RAD51C: variants seen among roughly 807,000 people sequenced by gnomAD.
RAD51C encodes RAD51 paralog C, also known as DNA repair protein RAD51 homolog 3.
A neutral mutation model predicts 45.0 loss-of-function variants in RAD51C; 42 were observed. The observed-to-expected ratio is 0.93, with a 90% CI of 0.73 to 1.21. The LOEUF (loss-of-function observed/expected upper bound fraction) is 1.21. Among genes scored for constraint, RAD51C ranks in the 50% most tolerant of loss-of-function variants. The probability of loss-of-function intolerance (pLI) is 0.00; values close to 1 mark genes in which losing one functional copy is unlikely to be tolerated. For missense variants in RAD51C, 474 were observed against 452.2 expected, an observed-to-expected ratio of 1.05 and a Z score of -0.44; for synonymous variants, 172 against 159.8, an observed-to-expected ratio of 1.08 and a Z score of -0.58.
intron 5 of RAD51C, among the ~76,000 whole-genome samples, chr17:58,711,048 A>AT (rs936238342): frequency 5.5e-4 from 84 of 151,978 alleles, no homozygotes; most frequent in South Asian, 1.0e-3. Context: ...TGAATTTCCA[A>AT]TTTTTTTTGC....
intron 3 of RAD51C, among the ~76,000 whole-genome samples, chr17:58,697,716 AT>A (rs1350765878): frequency 1.3e-3 from 195 of 144,490 alleles, no homozygotes; most frequent in Non-Finnish European, 1.2e-3. Context: ...CTGTAAAACG[AT>A]TTTTTTTTTT....
chr17:58,715,886 C>A (rs1330293170), intron 5 of RAD51C, among the ~76,000 whole-genome samples: 1 of 152,134 alleles, frequency 6.6e-6, no homozygotes, highest in Non-Finnish European at 1.5e-5. Flanking sequence ...GGGTGGATCA[C>A]CTGAGGTCAG....
chr17:58,720,858 T>G, intron 6 of RAD51C, 46 bp downstream of exon 6: 1 of 1,477,232 alleles, frequency 6.8e-7, no homozygotes, highest in Non-Finnish European at 9.4e-7. Flanking sequence ...ACAGTTTTTC[T>G]TATCTCTTTC....
At chr17:58,721,841 G>C (rs2048928867) in intron 6 of RAD51C, among the ~76,000 whole-genome samples, 1 of 152,096 alleles carries the variant, frequency 6.6e-6, no homozygotes, top group Non-Finnish European at 1.5e-5. Context: ...ATGTAGTAAA[G>C]GTTACAATAG....
chr17:58,712,071 G>A (rs1238777899), intron 5 of RAD51C, among the ~76,000 whole-genome samples: 9 of 151,702 alleles, frequency 5.9e-5, no homozygotes, highest in Non-Finnish European at 1.2e-4. Context: ...ATAATTGGCC[G>A]GGCACGGCGG....
Position 58,694,978 on chromosome 17 carries a change from A to C in RAD51C, c.193A>C (p.Arg65=). ...AGCCTTAGAAACTCTGCAAATTATCAGAAGAGAATGTCTCACAAATAAACC... is the reference window on the plus strand; with the variant it reads ...AGCCTTAGAAACTCTGCAAATTATCCGAAGAGAATGTCTCACAAATAAACC... The part of the protein sequence containing the change: ...AEALETLQII[R]RECLTNKPRY... The change falls in exon 2 of 9, where the codon AGA becomes CGA. Residue 65 remains arginine (R), a synonymous_variant. Transcript: ENST00000337432. 6.2e-7 allele frequency: 1 copy of C among 1,614,172 alleles called. No homozygotes were observed. Among genetic ancestry groups the C allele is most frequent in the South Asian group, 1.1e-5 (1 of 91,086 alleles).
intron 5 of RAD51C, among the ~76,000 whole-genome samples, chr17:58,713,333 A>G (rs1157451888): frequency 6.6e-6 from 1 of 150,932 alleles, no homozygotes; most frequent in African/African-American, 2.4e-5. Flanking sequence ...TTGTATTTGT[A>G]TTTGTTTTTG....
chr17:58,719,202 C>A (rs749143270), intron 5 of RAD51C, among the ~76,000 whole-genome samples: 1 of 151,940 alleles, frequency 6.6e-6, no homozygotes, highest in Non-Finnish European at 1.5e-5. Flanking sequence ...CCAGCCTGGG[C>A]AACAGAGCGA....
chr17:58,703,147 C>T lies in RAD51C; in HGVS notation c.572-49C>T, dbSNP rs759996376. 18 of 1,581,240 alleles carry T rather than the reference C, an allele frequency of 1.1e-5. No homozygotes were observed. The highest frequency in any genetic ancestry group is 3.4e-5 in the Admixed American group (2 of 59,680). On this transcript the variant is annotated intron_variant, in intron 3 of 8. Transcript: ENST00000337432. ...AAAAGCATTGTTTTTCTACAATTGC[C>T]AATACATCCAAACAGGTAAAACTAA...
At chr17:58,712,150 C>T (rs971063014) in intron 5 of RAD51C, among the ~76,000 whole-genome samples, 2 of 151,696 alleles carry the variant, frequency 1.3e-5, no homozygotes. Flanking sequence ...AGTTCGAGAC[C>T]AGCCTGACCA....
At chr17:58,724,148 C>A in intron 7 of RAD51C, 48 bp downstream of exon 7, 1 of 1,522,700 alleles carries the variant, frequency 6.6e-7, no homozygotes, top group Non-Finnish European at 9.1e-7. Context: ...GTTAATTATA[C>A]TGAATGAACA....
At chr17:58,724,242 A>T in intron 7 of RAD51C, 142 bp downstream of exon 7, 3 of 767,764 alleles carry the variant, frequency 3.9e-6, no homozygotes, top group Admixed American at 2.1e-5. Flanking sequence ...GTCTGATATC[A>T]CCTAGAGCAA....
rs894759401 is a variant in RAD51C, at chr17:58,692,901, C to G, written c.145+113C>G. The G allele has an allele frequency of 1.9e-5, 28 of 1,492,862 alleles. No individual in the cohort carries two copies. In the South Asian group the frequency reaches 2.6e-4, roughly 14 times the overall value. The allele number at this position is 1,492,862 out of a possible 1,614,324, so 92.5% of individuals were successfully genotyped here. A position where few individuals can be genotyped will look rare whatever the true frequency, so the allele number is the denominator to read the frequency against. On this transcript the variant is annotated intron_variant, in intron 1 of 8. Coordinates refer to ENST00000337432, the MANE Select transcript of RAD51C (RefSeq NM_058216.3). ...GTCTCCGTTAGATTCTGCTTCCTCC[C>G]ACGTCCATGTTTACAGCGTGAAAGA... is the stretch of plus-strand genomic sequence containing the variant.
At chr17:58,707,383 T>C (rs911083887) in intron 4 of RAD51C, among the ~76,000 whole-genome samples, 1 of 152,030 alleles carries the variant, frequency 6.6e-6, no homozygotes, top group Non-Finnish European at 1.5e-5. Flanking sequence ...TAGCTGGGTG[T>C]GGTGGCGTGT....
rs577714837 is a variant in RAD51C, at chr17:58,704,673, A to G, written c.705+1344A>G. On this transcript the variant is annotated intron_variant, in intron 4 of 8. Transcript: ENST00000337432. Reference sequence around the variant, plus strand: ...GATTTGAACCCAGTCTCTCTCCCCTATTGTGATACCCCTATTAGAATAGTC... The same window carrying G: ...GATTTGAACCCAGTCTCTCTCCCCTGTTGTGATACCCCTATTAGAATAGTC... 2.6e-5 allele frequency among the ~76,000 whole-genome samples: 4 copies of G among 151,978 alleles called. No homozygotes were observed. In the South Asian group the frequency reaches 8.3e-4, roughly 32 times the overall value.
intron 3 of RAD51C, chr17:58,699,977 G>C (rs1490135930): frequency 2.0e-5 from 3 of 152,170 alleles, no homozygotes. Flanking sequence ...AGCCTCCTGA[G>C]TAGCTGGGAG....
intron 5 of RAD51C, among the ~76,000 whole-genome samples, chr17:58,720,320 G>A (rs915308956): frequency 1.3e-5 from 2 of 151,038 alleles, no homozygotes; most frequent in Non-Finnish European, 2.9e-5. Flanking sequence ...GGAGGCTGAG[G>A]CAGGAGAATG....
intron 7 of RAD51C, 101 bp from the exon 8 acceptor site, chr17:58,732,383 A>G (rs2049463750): frequency 3.2e-6 from 3 of 936,828 alleles, no homozygotes; most frequent in Non-Finnish European, 4.9e-6. Context: ...AGAATTATTA[A>G]TATAATAAAC....
chr17:58,708,168 GCT>G (rs2048435803), intron 4 of RAD51C, among the ~76,000 whole-genome samples: 1 of 152,078 alleles, frequency 6.6e-6, no homozygotes, highest in Non-Finnish European at 1.5e-5. Context: ...TTTTATTTCA[GCT>G]CTCTACTGTA....
Sources: gnomAD v4.1 joint callset for allele counts (sites outside exome capture counted in the v4.1 genomes callset) on GRCh38, gnomAD v4.1.1 for gene constraint, MANE v1.5 for transcripts, NCBI Gene and HGNC (gene_info 2026-07-23, HGNC 2026-07-21) for gene names.